The following CDH20 variants were observed in gnomAD, a reference collection of about 807,000 sequenced individuals.
CDH20 encodes the protein cadherin 20, also known as cadherin-20.
In CDH20, 29 loss-of-function variants were observed where a neutral mutation model predicts 74.2. The observed-to-expected ratio is 0.39, with a 90% confidence interval of 0.29 to 0.53. CDH20 has a LOEUF of 0.53. Among genes scored for constraint, CDH20 ranks in the 20% least tolerant of loss-of-function variants. The pLI, the probability that CDH20 is intolerant of heterozygous loss-of-function variation, is 0.69. For synonymous variants in CDH20, 469 were observed against 405.4 expected (o/e 1.16, Z -1.88); for missense variants, 988 against 1,048.3 (o/e 0.94, Z 0.79).
intron 1 of CDH20, among the ~76,000 whole-genome samples, chr18:61,369,398 C>G (rs939786624): frequency 6.6e-6 from 1 of 151,916 alleles, no homozygotes; most frequent in Non-Finnish European, 1.5e-5. Flanking sequence ...GTCTATAACT[C>G]GAAGCATAAT....
chr18:61,535,489 A>C (rs1912790743), intron 7 of CDH20, among the ~76,000 whole-genome samples: 1 of 152,166 alleles, frequency 6.6e-6, no homozygotes, highest in African/African-American at 2.4e-5. Flanking sequence ...GAGTCTTCCA[A>C]GATGGGGACC....
intron 1 of CDH20, among the ~76,000 whole-genome samples, chr18:61,465,832 A>G (rs544608539): frequency 2.0e-5 from 3 of 152,152 alleles, no homozygotes; most frequent in African/African-American, 7.2e-5. Flanking sequence ...GGAAGGAGGT[A>G]TACTAGTCAC....
intron 1 of CDH20, among the ~76,000 whole-genome samples, chr18:61,466,916 G>A (rs1024287864): frequency 6.6e-6 from 1 of 152,108 alleles, no homozygotes; most frequent in Non-Finnish European, 1.5e-5. Context: ...GCAGGGCACA[G>A]CGCCCCAGCC....
chr18:61,486,502 A>G (rs1910767591), intron 1 of CDH20, among the ~76,000 whole-genome samples: 1 of 152,150 alleles, frequency 6.6e-6, no homozygotes, highest in African/African-American at 2.4e-5. Flanking sequence ...GTTTGTTGCT[A>G]TTTCTCAAGA....
At chr18:61,549,193 C>T (rs1209527639) in intron 10 of CDH20, among the ~76,000 whole-genome samples, 1 of 152,218 alleles carries the variant, frequency 6.6e-6, no homozygotes, top group African/African-American at 2.4e-5. Context: ...ACTCCCACAA[C>T]ACAATATGTG....
At chr18:61,434,719 T>G (rs1908772872) in intron 1 of CDH20, among the ~76,000 whole-genome samples, 2 of 152,172 alleles carry the variant, frequency 1.3e-5, no homozygotes. Context: ...TAAGTCTTAA[T>G]TTGTCATGAA....
chr18:61,406,543 A>G (rs1407760440), intron 1 of CDH20, among the ~76,000 whole-genome samples: 1 of 152,236 alleles, frequency 6.6e-6, no homozygotes, highest in Non-Finnish European at 1.5e-5. Flanking sequence ...AAATAAATCA[A>G]CAAATTAATA....
At chr18:61,474,176 A>T (rs1910286712) in intron 1 of CDH20, among the ~76,000 whole-genome samples, 2 of 152,134 alleles carry the variant, frequency 1.3e-5, no homozygotes, top group Non-Finnish European at 2.9e-5. Flanking sequence ...GAAGGGCAGG[A>T]GATTTCTAAA....
At position 61,530,738 on chromosome 18, in the gene CDH20, T is replaced by C. The variant is rs138176878; in HGVS notation, c.1271+2518T>C. ...GAATTTTTAATACATGCTCAAGGAC[T>C]TTTTGGCAGGCAGGATACTGAGCCA... On this transcript the variant is annotated intron_variant, in intron 7 of 11. Transcript: ENST00000262717. Among the ~76,000 whole-genome samples the C allele has an allele frequency of 4.7e-4, 72 of 152,302 alleles. No homozygotes were observed. In the East Asian group the frequency reaches 8.9e-3, roughly 19 times the overall value.
chr18:61,383,138 A>C (rs1911485257), intron 1 of CDH20, among the ~76,000 whole-genome samples: 1 of 152,222 alleles, frequency 6.6e-6, no homozygotes. Flanking sequence ...ATAACGAATG[A>C]CCACAAAAGC....
intron 1 of CDH20, among the ~76,000 whole-genome samples, chr18:61,350,526 T>C (rs2144111037): frequency 6.6e-6 from 1 of 152,238 alleles, no homozygotes; most frequent in African/African-American, 2.4e-5. Flanking sequence ...ATTATTATCT[T>C]CTTGGGAAGA....
At position 61,501,370 on chromosome 18, in the gene CDH20, C is replaced by T. The variant is rs1599129844; in HGVS notation, c.661+868C>T. Reference sequence around the variant, plus strand: ...ATTATTATCTTATACTTGTGCCAGGCTTCCCCTCTTATTAATACTTTCATA... The same window carrying T: ...ATTATTATCTTATACTTGTGCCAGGTTTCCCCTCTTATTAATACTTTCATA... On this transcript the variant is annotated intron_variant, in intron 4 of 11. Transcript: ENST00000262717. Among the ~76,000 whole-genome samples, 3 of 150,432 alleles carry T rather than the reference C, an allele frequency of 2.0e-5. No individual in the cohort carries two copies. In the East Asian group the frequency reaches 5.8e-4, roughly 29 times the overall value.
In CDH20 at chr18:61,367,321, C is replaced by T. The variant is rs192487809; in HGVS notation, c.-153+33494C>T. On this transcript the variant is annotated intron_variant, in intron 1 of 11. Coordinates refer to ENST00000262717, the MANE Select transcript of CDH20 (RefSeq NM_031891.4). ...GCACGAAAGGAAGTCAAGTAAGATC[C>T]TAAGGAAGTCAGATTTCATACTAAG... is the stretch of plus-strand genomic sequence containing the variant. Among the ~76,000 whole-genome samples, 469 of 152,262 alleles carry T rather than the reference C, an allele frequency of 3.1e-3. 3 individuals carry two copies. The highest frequency in any genetic ancestry group is 0.011 in the African/African-American group (448 of 41,568).
chr18:61,418,071 T>C (rs777466148), intron 1 of CDH20, among the ~76,000 whole-genome samples: 2 of 152,216 alleles, frequency 1.3e-5, no homozygotes, highest in Non-Finnish European at 1.5e-5. Context: ...TATCATAAGT[T>C]AAAAAGCAAC....
intron 1 of CDH20, among the ~76,000 whole-genome samples, chr18:61,425,546 AT>A (rs1284407120): frequency 6.6e-6 from 1 of 152,092 alleles, no homozygotes; most frequent in Non-Finnish European, 1.5e-5. Flanking sequence ...GTGCCCCAAA[AT>A]TTTTCAGCAA....
At chr18:61,426,852 T>G (rs1808326348) in intron 1 of CDH20, among the ~76,000 whole-genome samples, 1 of 152,222 alleles carries the variant, frequency 6.6e-6, no homozygotes, top group African/African-American at 2.4e-5. Flanking sequence ...GGACATCAAG[T>G]ATCCCTGGTA....
intron 1 of CDH20, among the ~76,000 whole-genome samples, chr18:61,338,859 C>A (rs1803806650): frequency 6.6e-6 from 1 of 152,070 alleles, no homozygotes; most frequent in African/African-American, 2.4e-5. Context: ...CATGGGAGCC[C>A]TTTCTTCTTC....
At chr18:61,389,083 G>A (rs1911690073) in intron 1 of CDH20, among the ~76,000 whole-genome samples, 1 of 152,140 alleles carries the variant, frequency 6.6e-6, no homozygotes, top group Admixed American at 6.6e-5. Context: ...GGTTGAGACA[G>A]GCTCAAGGAC....
At chr18:61,383,551 A>G (rs1290361808) in intron 1 of CDH20, among the ~76,000 whole-genome samples, 5 of 152,172 alleles carry the variant, frequency 3.3e-5, no homozygotes, top group Non-Finnish European at 1.5e-5. Context: ...ACTGCACTCC[A>G]GCCTGGGAGA....
Sources: allele counts gnomAD v4.1 joint callset (sites outside exome capture counted in the v4.1 genomes callset), GRCh38; gene constraint gnomAD v4.1.1; transcripts MANE v1.5; gene names NCBI Gene and HGNC (gene_info 2026-07-23, HGNC 2026-07-21).